The following SORCS2 variants were observed in gnomAD, a reference collection of about 807,000 sequenced individuals.
SORCS2 encodes VPS10 domain-containing receptor SorCS2.
In SORCS2, 100 loss-of-function variants were observed where a neutral mutation model predicts 141.6. The observed-to-expected ratio is 0.71, with a 90% CI of 0.60 to 0.83. The LOEUF (loss-of-function observed/expected upper bound fraction) is 0.83. SORCS2 is among the 40% of genes least tolerant of loss of function. The pLI is 0.00. For synonymous variants in SORCS2, 789 were observed against 676.9 expected (o/e 1.17, Z -2.57); for missense variants, 1,646 against 1,560.2 (o/e 1.05, Z -0.93).
intron 3 of SORCS2, among the ~76,000 whole-genome samples, chr4:7,591,077 G>A (rs1036250606): frequency 8.5e-5 from 13 of 152,176 alleles, no homozygotes; most frequent in Non-Finnish European, 1.5e-4. Flanking sequence ...GGAAACTGAC[G>A]CTCATAGCGC....
chr4:7,671,004 C>A (rs903897914), intron 8 of SORCS2, among the ~76,000 whole-genome samples: 1 of 152,142 alleles, frequency 6.6e-6, no homozygotes, highest in Non-Finnish European at 1.5e-5. Context: ...TATTTTTCCC[C>A]CTTTTCCCTT....
chr4:7,276,203 C>G (rs1334290218), intron 1 of SORCS2, among the ~76,000 whole-genome samples: 1 of 152,146 alleles, frequency 6.6e-6, no homozygotes, highest in East Asian at 1.9e-4. Context: ...GCACTTTGGT[C>G]CCTGTTGCAG....
chr4:7,708,394 G>A (rs968320378), intron 14 of SORCS2, among the ~76,000 whole-genome samples: 4 of 152,178 alleles, frequency 2.6e-5, no homozygotes, highest in Admixed American at 1.3e-4. Context: ...GGGTGGGAGC[G>A]TTATTCCCAA....
chr4:7,558,202 C>T (rs1239853389), intron 3 of SORCS2, among the ~76,000 whole-genome samples: 1 of 152,144 alleles, frequency 6.6e-6, no homozygotes, highest in Non-Finnish European at 1.5e-5. Context: ...TAACTGACTC[C>T]ATTTGAGAAA....
chr4:7,397,887 A>G (rs1178617886), intron 2 of SORCS2, among the ~76,000 whole-genome samples: 1 of 152,106 alleles, frequency 6.6e-6, no homozygotes, highest in Non-Finnish European at 1.5e-5. Flanking sequence ...GCCCTCAGTT[A>G]GCTGATTTGC....
At chr4:7,621,713 A>G (rs1026174298) in intron 3 of SORCS2, among the ~76,000 whole-genome samples, 12 of 152,252 alleles carry the variant, frequency 7.9e-5, no homozygotes, top group Non-Finnish European at 1.6e-4. Flanking sequence ...AACCCAGTCA[A>G]TAAATCTAAT....
chr4:7,409,429 C>G (rs987001987), intron 2 of SORCS2, among the ~76,000 whole-genome samples: 2 of 152,250 alleles, frequency 1.3e-5, no homozygotes, highest in African/African-American at 4.8e-5. Context: ...AACAGACACT[C>G]TGATTTGGAG....
chr4:7,414,348 G>C (rs1725524182), intron 2 of SORCS2, among the ~76,000 whole-genome samples: 1 of 152,190 alleles, frequency 6.6e-6, no homozygotes, highest in Non-Finnish European at 1.5e-5. Context: ...AGGGACTTTG[G>C]AAATAGCTTC....
At chr4:7,338,147 T>C (rs1449398897) in intron 1 of SORCS2, among the ~76,000 whole-genome samples, 2 of 150,334 alleles carry the variant, frequency 1.3e-5, no homozygotes, top group Non-Finnish European at 3.0e-5. Flanking sequence ...GTTGGTTGCA[T>C]GGATGGATGT....
chr4:7,668,936 G>A (rs929652020), intron 8 of SORCS2, among the ~76,000 whole-genome samples: 2 of 152,104 alleles, frequency 1.3e-5, no homozygotes, highest in East Asian at 1.9e-4. Context: ...GGAGGCTGGG[G>A]TAGCTGGGCC....
At chr4:7,609,835 G>T (rs1004504217) in intron 3 of SORCS2, among the ~76,000 whole-genome samples, 1 of 152,230 alleles carries the variant, frequency 6.6e-6, no homozygotes, top group East Asian at 1.9e-4. Flanking sequence ...TCAGTGGTCA[G>T]CCCCTCTGCT....
intron 1 of SORCS2, among the ~76,000 whole-genome samples, chr4:7,235,072 C>T (rs73081808): frequency 0.025 from 3,765 of 152,316 alleles, 160 homozygotes; most frequent in African/African-American, 0.085. Context: ...CGTTGCATCC[C>T]GTGAGGGTCT....
intron 2 of SORCS2, among the ~76,000 whole-genome samples, chr4:7,407,039 G>A (rs1725011210): frequency 6.6e-6 from 1 of 152,098 alleles, no homozygotes; most frequent in African/African-American, 2.4e-5. Context: ...TTTGCGGTCA[G>A]AAAAGATACT....
chr4:7,375,517 T>C (rs1469569423), intron 1 of SORCS2, among the ~76,000 whole-genome samples: 2 of 152,192 alleles, frequency 1.3e-5, no homozygotes, highest in African/African-American at 4.8e-5. Context: ...AGAAGCCTTT[T>C]CTCACGCATG....
At chr4:7,392,879 A>G (rs1333619119) in intron 1 of SORCS2, among the ~76,000 whole-genome samples, 2 of 134,086 alleles carry the variant, frequency 1.5e-5, no homozygotes, top group Non-Finnish European at 3.1e-5. Context: ...TGAGAACAGT[A>G]ATATGGGCCC....
At chr4:7,727,001 T>A in intron 21 of SORCS2, 98 bp downstream of exon 21, 7 of 1,344,704 alleles carry the variant, frequency 5.2e-6, no homozygotes, top group East Asian at 5.3e-5. Flanking sequence ...GATGTCCTGG[T>A]CACCCTGAGT....
intron 1 of SORCS2, among the ~76,000 whole-genome samples, chr4:7,296,446 C>T (rs1717061989): frequency 6.6e-6 from 1 of 152,174 alleles, no homozygotes; most frequent in African/African-American, 2.4e-5. Context: ...GGGGACAACC[C>T]AAATCACGGG....
At chr4:7,628,491 C>T (rs1331338625) in intron 3 of SORCS2, among the ~76,000 whole-genome samples, 2 of 149,254 alleles carry the variant, frequency 1.3e-5, no homozygotes, top group African/African-American at 2.4e-5. Context: ...TGCACTCCAG[C>T]CTGGGCAAAA....
In SORCS2 at chr4:7,527,470, C is replaced by T. The variant is rs75907030; in HGVS notation, c.549-4060C>T. ...GAGCGATAGACTCTGCAGTGGGCCT[C>T]GGGGCCTCGGGGCGAGGACTGCAGG... On this transcript the variant is annotated intron_variant, in intron 2 of 26. Transcript: ENST00000507866. Among the ~76,000 whole-genome samples the T allele has an allele frequency of 8.6e-5, 13 of 151,542 alleles. No homozygotes were observed. In the East Asian group the frequency reaches 2.2e-3, roughly 25 times the overall value.
Sources: gnomAD v4.1 joint callset for allele counts (sites outside exome capture counted in the v4.1 genomes callset) on GRCh38, gnomAD v4.1.1 for gene constraint, MANE v1.5 for transcripts, NCBI Gene and HGNC (gene_info 2026-07-23, HGNC 2026-07-21) for gene names.